STK32B: variants seen among roughly 807,000 people sequenced by gnomAD.
The protein encoded by STK32B is serine/threonine kinase 32B.
Under a neutral mutation model 52.6 loss-of-function variants are expected in STK32B, and 43 were observed. The ratio of observed to expected loss-of-function variants is 0.82; its 90% CI spans 0.64 to 1.05. STK32B has a LOEUF of 1.05. Among genes scored for constraint, STK32B ranks in the 50% least tolerant of loss-of-function variants. The probability of loss-of-function intolerance (pLI) is 0.00; values close to 1 mark genes in which losing one functional copy is unlikely to be tolerated. For missense variants in STK32B, 621 were observed against 534.6 expected, an observed-to-expected ratio of 1.16 and a Z score of -1.59; for synonymous variants, 238 against 204.3, an observed-to-expected ratio of 1.17 and a Z score of -1.41.
chr4:5,453,138 C>T lies in STK32B; in HGVS notation c.667-3669C>T, dbSNP rs920193465. ...CTAAATGTATTTCCTGCACTGGCTT[C>T]CTAGTGCATTGGAGTTATTATTATC... is the stretch of plus-strand genomic sequence containing the variant. On this transcript the variant is annotated intron_variant, in intron 7 of 11. Coordinates refer to ENST00000282908, the MANE Select transcript of STK32B (RefSeq NM_018401.3). This position sits in a 1 kb window ranked among gnomAD's most constrained non-coding sequence, Gnocchi z 4.0. Among the ~76,000 whole-genome samples, 1 of 151,916 alleles carries T rather than the reference C, an allele frequency of 6.6e-6. No homozygotes were observed. The highest frequency in any genetic ancestry group is 2.4e-5 in the African/African-American group (1 of 41,330).
intron 4 of STK32B, among the ~76,000 whole-genome samples, chr4:5,362,665 G>A (rs1734623979): frequency 6.6e-6 from 1 of 152,176 alleles, no homozygotes; most frequent in Non-Finnish European, 1.5e-5. Flanking sequence ...GGAGGCAGGG[G>A]CTGTTTGATA....
chr4:5,280,369 CT>C (rs1728115417), intron 3 of STK32B, among the ~76,000 whole-genome samples: 1 of 152,156 alleles, frequency 6.6e-6, no homozygotes, highest in Non-Finnish European at 1.5e-5. Context: ...GTCCATGTCA[CT>C]ATCAGCATCT....
chr4:5,359,567 G>A lies in STK32B; in HGVS notation c.434+28174G>A, dbSNP rs142320776. Among the ~76,000 whole-genome samples, 861 of 152,298 alleles carry A rather than the reference G, an allele frequency of 5.7e-3. 4 individuals carry two copies. The highest frequency in any genetic ancestry group is 8.9e-3 in the Admixed American group (136 of 15,294). On this transcript the variant is annotated intron_variant, in intron 4 of 11. Coordinates refer to ENST00000282908, the MANE Select transcript of STK32B (RefSeq NM_018401.3). The stretch of plus-strand genomic sequence containing the variant: ...AAAGAAAAATCTGTGTATGTAACAT[G>A]TCAGGCAGTGATAAGTGCTGTGAAA...
intron 4 of STK32B, among the ~76,000 whole-genome samples, chr4:5,355,367 C>T (rs1221459575): frequency 2.0e-5 from 3 of 152,092 alleles, no homozygotes; most frequent in Non-Finnish European, 4.4e-5. Flanking sequence ...TGCACAGACC[C>T]TAGTAGTCTA....
chr4:5,442,271 C>T (rs28846786), intron 6 of STK32B, among the ~76,000 whole-genome samples: 34,013 of 145,786 alleles, frequency 0.23, 4,886 homozygotes, highest in East Asian at 0.72. Context: ...GGACTTGCTT[C>T]ATGAATCTTG....
intron 3 of STK32B, among the ~76,000 whole-genome samples, chr4:5,172,867 T>A: frequency 6.6e-6 from 1 of 152,334 alleles, no homozygotes; most frequent in East Asian, 1.9e-4. Context: ...TTGATTGGAA[T>A]AGTTTCAGAA....
At chr4:5,128,005 C>T (rs569022576) in intron 1 of STK32B, among the ~76,000 whole-genome samples, 7 of 152,288 alleles carry the variant, frequency 4.6e-5, no homozygotes, top group Admixed American at 3.9e-4. Flanking sequence ...GAGGCCTCCC[C>T]AGCCATGTGG....
chr4:5,306,207 A>C (rs1729916736), intron 3 of STK32B, among the ~76,000 whole-genome samples: 1 of 152,074 alleles, frequency 6.6e-6, no homozygotes, highest in African/African-American at 2.4e-5. Flanking sequence ...TTCTGTAAAT[A>C]TTTGTTAAGT....
At chr4:5,230,322 T>C (rs537122807) in intron 3 of STK32B, among the ~76,000 whole-genome samples, 417 of 151,450 alleles carry the variant, frequency 2.8e-3, no homozygotes, top group Non-Finnish European at 4.4e-3. Context: ...CCAGAGTAGC[T>C]GGGACTACAG....
the STK32B span, among the ~76,000 whole-genome samples, chr4:5,043,176 C>T: frequency 6.7e-6 from 1 of 149,846 alleles, no homozygotes; most frequent in East Asian, 2.0e-4. Flanking sequence ...CCTGAGTCTT[C>T]ACTCAGATAC....
intron 4 of STK32B, among the ~76,000 whole-genome samples, chr4:5,341,345 C>A (rs890183535): frequency 2.0e-5 from 3 of 152,186 alleles, no homozygotes; most frequent in African/African-American, 7.2e-5. Context: ...TCCCCAGATG[C>A]AAAAGCAAAA....
chr4:5,397,034 T>G (rs931314698), intron 4 of STK32B, among the ~76,000 whole-genome samples: 6 of 152,156 alleles, frequency 3.9e-5, no homozygotes, highest in Non-Finnish European at 8.8e-5. Context: ...AAATAAAAAT[T>G]TAAATGTATA....
chr4:5,445,723 T>C (rs571377405), intron 6 of STK32B, among the ~76,000 whole-genome samples: 89 of 152,188 alleles, frequency 5.8e-4, no homozygotes, highest in Non-Finnish European at 1.1e-3. Context: ...ATTCAGTACA[T>C]TCACAATGTT....
chr4:5,194,887 A>C (rs1354780819), intron 3 of STK32B, among the ~76,000 whole-genome samples: 1 of 152,198 alleles, frequency 6.6e-6, no homozygotes, highest in African/African-American at 2.4e-5. Flanking sequence ...ATGAAAACTC[A>C]TTCACTCACT....
At chr4:5,287,047 C>T (rs1273833597) in intron 3 of STK32B, among the ~76,000 whole-genome samples, 14 of 152,230 alleles carry the variant, frequency 9.2e-5, no homozygotes, top group Middle Eastern at 3.4e-3. Context: ...CCGCCCACCT[C>T]GGCCTCCCAA....
At chr4:5,391,387 G>C (rs1450111688) in intron 4 of STK32B, among the ~76,000 whole-genome samples, 1 of 152,202 alleles carries the variant, frequency 6.6e-6, no homozygotes, top group Non-Finnish European at 1.5e-5. Flanking sequence ...TTCTGGCAAA[G>C]ACGCTATTTG....
chr4:5,416,582 G>C (rs889374601), intron 5 of STK32B, among the ~76,000 whole-genome samples: 1 of 152,090 alleles, frequency 6.6e-6, no homozygotes, highest in African/African-American at 2.4e-5. Flanking sequence ...CTCCACATCA[G>C]TGTCTCCAAA....
At position 5,364,495 on chromosome 4, in the gene STK32B, G is replaced by A. The variant is rs146843297; in HGVS notation, c.434+33102G>A. Among the ~76,000 whole-genome samples, 422 of 152,298 alleles carry A rather than the reference G, an allele frequency of 2.8e-3. 5 individuals are homozygous for A. Among genetic ancestry groups the A allele is most frequent in the African/African-American group, 9.6e-3 (398 of 41,568 alleles). On this transcript the variant is annotated intron_variant, in intron 4 of 11. Transcript: ENST00000282908. ...AGCTGGGCCATTACAGTGGAAGGGGGTTTCTCTTTCACCAAATTCATATAC... is the reference window on the plus strand; with the variant it reads ...AGCTGGGCCATTACAGTGGAAGGGGATTTCTCTTTCACCAAATTCATATAC...
intron 3 of STK32B, among the ~76,000 whole-genome samples, chr4:5,289,160 G>GAT (rs536915722): frequency 6.6e-6 from 1 of 152,162 alleles, no homozygotes; most frequent in African/African-American, 2.4e-5. Context: ...CTAGGTTACA[G>GAT]ATATATGTAG....
Sources: gnomAD v4.1 joint callset for allele counts (sites outside exome capture counted in the v4.1 genomes callset) on GRCh38, gnomAD v4.1.1 for gene constraint, Gnocchi (gnomAD v3.1) non-coding constraint, MANE v1.5 for transcripts, NCBI Gene and HGNC (gene_info 2026-07-23, HGNC 2026-07-21) for gene names.